The following GPC3 variants were observed in gnomAD, a reference collection of about 807,000 sequenced individuals.
GPC3 encodes the protein glypican-3.
In GPC3, 3 loss-of-function variants were observed where a neutral mutation model predicts 34.4. The observed-to-expected ratio is 0.09, with a 90% CI of 0.04 to 0.23. GPC3 has a LOEUF of 0.23. Among genes scored for constraint, GPC3 ranks in the 10% least tolerant of loss-of-function variants. The pLI is 1.00. For missense variants in GPC3, 351 were observed against 445.6 expected, an observed-to-expected ratio of 0.79 and a Z score of 1.91; for synonymous variants, 177 against 174.0, an observed-to-expected ratio of 1.02 and a Z score of -0.13.
At chrX:133,703,553 T>C (rs1364821252) in intron 3 of GPC3, among the ~76,000 whole-genome samples, 3 of 107,930 alleles carry the variant, frequency 2.8e-5, no homozygotes, top group South Asian at 4.3e-4. Flanking sequence ...CTCTGCCTCC[T>C]GGGTTCACGC....
intron 7 of GPC3, among the ~76,000 whole-genome samples, chrX:133,555,450 A>G (rs1046960993): frequency 8.0e-5 from 9 of 112,362 alleles, no homozygotes; most frequent in South Asian, 3.7e-4. Flanking sequence ...TCTCAAATCT[A>G]TCTCTAGCTC....
intron 2 of GPC3, among the ~76,000 whole-genome samples, chrX:133,788,628 C>T (rs2072130885): frequency 9.2e-6 from 1 of 109,183 alleles, no homozygotes; most frequent in South Asian, 4.1e-4. Context: ...CTACCATCAG[C>T]TATATATATG....
At chrX:133,886,052 A>C (rs1209567898) in intron 2 of GPC3, among the ~76,000 whole-genome samples, 1 of 111,716 alleles carries the variant, frequency 9.0e-6, no homozygotes, top group East Asian at 2.8e-4. Flanking sequence ...TATACCATGA[A>C]ATATGCTACA....
At chrX:133,755,470 T>C (rs1029209353) in intron 2 of GPC3, among the ~76,000 whole-genome samples, 2 of 112,280 alleles carry the variant, frequency 1.8e-5, no homozygotes, top group African/African-American at 6.5e-5. Context: ...CTTGGGCTTA[T>C]GACATGCCCA....
intron 2 of GPC3, among the ~76,000 whole-genome samples, chrX:133,795,723 GA>G (rs1335612739): frequency 2.7e-5 from 3 of 110,484 alleles, no homozygotes; most frequent in Non-Finnish European, 5.7e-5. Flanking sequence ...TTATGTACTA[GA>G]ATCCTACTCT....
chrX:133,853,431 G>A (rs754411697), intron 2 of GPC3, among the ~76,000 whole-genome samples: 69 of 111,664 alleles, frequency 6.2e-4, no homozygotes, highest in Non-Finnish European at 1.2e-3. Flanking sequence ...TCCAAGTACA[G>A]CCTTACTTAT....
intron 2 of GPC3, among the ~76,000 whole-genome samples, chrX:133,767,128 ATTTTTCT>A (rs1423035363): frequency 1.8e-5 from 2 of 111,765 alleles, no homozygotes; most frequent in Non-Finnish European, 3.8e-5. Context: ...TAGTTTGTCT[ATTTTTCT>A]TTTTTCTTTT....
chrX:133,788,113 T>TATATATATAAAATACATATAC (rs2072123645), intron 2 of GPC3, among the ~76,000 whole-genome samples: 1 of 90,234 alleles, frequency 1.1e-5, no homozygotes, highest in African/African-American at 4.8e-5. Context: ...TATATATATA[T>TATATATATAAAATACATATAC]ATATATATAT....
chrX:133,771,360 C>T (rs1482014652), intron 2 of GPC3, among the ~76,000 whole-genome samples: 2 of 112,657 alleles, frequency 1.8e-5, no homozygotes, highest in Non-Finnish European at 3.7e-5. Flanking sequence ...GTTACAGTCA[C>T]TTTCCCTAAT....
At chrX:133,720,659 G>A in intron 3 of GPC3, among the ~76,000 whole-genome samples, 1 of 111,590 alleles carries the variant, frequency 9.0e-6, no homozygotes, top group Non-Finnish European at 1.9e-5. Context: ...CAACTAACAA[G>A]TGGATAAAGA....
chrX:133,648,143 C>A (rs996728667), intron 6 of GPC3, among the ~76,000 whole-genome samples: 7 of 112,162 alleles, frequency 6.2e-5, no homozygotes, highest in African/African-American at 1.9e-4. Context: ...AGGGACAAAG[C>A]GGTTCTCATC....
At chrX:133,640,700 C>T (rs2070471859) in intron 6 of GPC3, among the ~76,000 whole-genome samples, 1 of 112,313 alleles carries the variant, frequency 8.9e-6, no homozygotes, top group Admixed American at 9.4e-5. Context: ...GAATAAGCCC[C>T]AGATGCTCCT....
At chrX:133,743,091 T>C (rs1463460146) in intron 3 of GPC3, among the ~76,000 whole-genome samples, 1 of 112,691 alleles carries the variant, frequency 8.9e-6, no homozygotes, top group Non-Finnish European at 1.9e-5. Flanking sequence ...CTATTTGTTT[T>C]ACCCCATTAA....
intron 6 of GPC3, among the ~76,000 whole-genome samples, chrX:133,631,662 T>C (rs1328986468): frequency 4.5e-5 from 5 of 111,746 alleles, no homozygotes; most frequent in Non-Finnish European, 7.5e-5. Flanking sequence ...ATGATAATTC[T>C]ATTTTTAATT....
intron 7 of GPC3, among the ~76,000 whole-genome samples, chrX:133,594,134 G>A (rs2069885370): frequency 9.1e-6 from 1 of 110,437 alleles, no homozygotes; most frequent in African/African-American, 3.4e-5. Flanking sequence ...AGTATTAACA[G>A]AAGCAGAATA....
chrX:133,824,771 A>T (rs1157674950), intron 2 of GPC3, among the ~76,000 whole-genome samples: 2 of 112,445 alleles, frequency 1.8e-5, no homozygotes, highest in Admixed American at 9.4e-5. Flanking sequence ...ACAAAAATTT[A>T]AAATTAAAAA....
At chrX:133,930,883 G>A (rs1276029346) in intron 2 of GPC3, among the ~76,000 whole-genome samples, 2 of 112,055 alleles carry the variant, frequency 1.8e-5, no homozygotes, top group Non-Finnish European at 3.8e-5. Flanking sequence ...TGATCCACCC[G>A]CCTCAGCCTC....
intron 1 of GPC3, among the ~76,000 whole-genome samples, chrX:133,976,656 A>G (rs1463712272): frequency 4.5e-5 from 5 of 110,639 alleles, no homozygotes; most frequent in African/African-American, 1.6e-4. Flanking sequence ...ATTGACTCAC[A>G]CCTGAAATCC....
At chrX:133,745,817 A>C (rs1461616311) in intron 3 of GPC3, among the ~76,000 whole-genome samples, 2 of 112,224 alleles carry the variant, frequency 1.8e-5, no homozygotes, top group African/African-American at 6.5e-5. Flanking sequence ...TTCTCCATGG[A>C]TCTCTTGTGC....
Sources: gnomAD v4.1 joint callset for allele counts (sites outside exome capture counted in the v4.1 genomes callset) on GRCh38, gnomAD v4.1.1 for gene constraint, MANE v1.5 for transcripts, NCBI Gene and HGNC (gene_info 2026-07-23, HGNC 2026-07-21) for gene names.